The following DLGAP2 variants were observed in gnomAD, a reference collection of about 807,000 sequenced individuals.
The protein encoded by DLGAP2 is disks large-associated protein 2.
In DLGAP2, 26 loss-of-function variants were observed where a neutral mutation model predicts 100.3. The observed-to-expected ratio is 0.26, with a 90% CI of 0.19 to 0.36. The LOEUF is 0.36. Among genes scored for constraint, DLGAP2 ranks in the 10% least tolerant of loss-of-function variants. The pLI is 1.00. For missense variants in DLGAP2, 1,858 were observed against 1,453.2 expected (o/e 1.28, Z -4.53); for synonymous variants, 886 against 630.1 (o/e 1.41, Z -6.08).
At chr8:1,282,070 C>CT (rs1799826146) in intron 3 of DLGAP2, among the ~76,000 whole-genome samples, 98 of 98,350 alleles carry the variant, frequency 1.0e-3, no homozygotes, top group East Asian at 3.3e-3. Context: ...GAACCCAGCA[C>CT]ATGAACCATC....
At chr8:797,900 G>C (rs898242731) in intron 1 of DLGAP2, among the ~76,000 whole-genome samples, 2 of 152,082 alleles carry the variant, frequency 1.3e-5, no homozygotes, top group African/African-American at 4.8e-5. Context: ...ACAGGCGCCT[G>C]CCACCACACC....
intron 3 of DLGAP2, among the ~76,000 whole-genome samples, chr8:1,458,435 GAGATGACTGATACTTC>G (rs1206429797): frequency 2.6e-5 from 4 of 152,284 alleles, no homozygotes; most frequent in African/African-American, 7.2e-5. Context: ...TGAGTCAGAT[GAGATGACTGATACTTC>G]ACTGTTTTTG....
At chr8:1,669,619 G>A in intron 9 of DLGAP2, 124 bp from the exon 10 acceptor site, 1 of 731,300 alleles carries the variant, frequency 1.4e-6, no homozygotes, top group Non-Finnish European at 2.5e-6. Flanking sequence ...AGTGGAGCGT[G>A]CTGAGAGCCG....
intron 6 of DLGAP2, among the ~76,000 whole-genome samples, chr8:1,605,368 G>T (rs544820081): frequency 2.6e-4 from 39 of 152,298 alleles, no homozygotes; most frequent in African/African-American, 8.9e-4. Context: ...GGCTCTCAGA[G>T]TGCGTGCCTC....
chr8:872,521 G>A (rs887862278), intron 1 of DLGAP2, among the ~76,000 whole-genome samples: 1 of 151,874 alleles, frequency 6.6e-6, no homozygotes, highest in African/African-American at 2.4e-5. Flanking sequence ...TAGTAGAGAT[G>A]GGGTTTCTCC....
At chr8:911,224 C>G (rs1185488017) in intron 2 of DLGAP2, among the ~76,000 whole-genome samples, 1 of 152,124 alleles carries the variant, frequency 6.6e-6, no homozygotes, top group Non-Finnish European at 1.5e-5. Flanking sequence ...GATGACATGG[C>G]CTAAGCGGTG....
At chr8:806,758 C>G (rs188631603) in intron 1 of DLGAP2, among the ~76,000 whole-genome samples, 26 of 152,332 alleles carry the variant, frequency 1.7e-4, no homozygotes, top group African/African-American at 6.0e-4. Context: ...ACACAGCAGA[C>G]TCTCCTACTC....
In DLGAP2 at chr8:1,097,223, C is replaced by A. The variant is rs1251939481; in HGVS notation, c.74-161628C>A. Among the ~76,000 whole-genome samples the A allele has an allele frequency of 4.6e-5, 6 of 131,422 alleles. No homozygotes were observed. In the East Asian group the frequency reaches 1.2e-3, roughly 27 times the overall value. 86.2% of individuals were successfully genotyped at this position (131,422 alleles called of 152,430 possible). A position where few individuals can be genotyped will look rare whatever the true frequency, so the allele number is the denominator to read the frequency against. ...CTGGGAGCCTAGGGCAGGCCTTCAC[C>A]CTCTGTGGCATGGAGAGGTCCCCTC... On this transcript the variant is annotated intron_variant, in intron 2 of 14. Coordinates refer to ENST00000637795, the MANE Select transcript of DLGAP2 (RefSeq NM_001346810.2).
chr8:1,116,864 A>G (rs774150981), intron 2 of DLGAP2, among the ~76,000 whole-genome samples: 19 of 152,204 alleles, frequency 1.2e-4, no homozygotes, highest in Non-Finnish European at 2.6e-4. Context: ...AACTGAATAA[A>G]AATTAGTTGA....
intron 8 of DLGAP2, among the ~76,000 whole-genome samples, chr8:1,666,483 C>T (rs1585045755): frequency 6.6e-6 from 1 of 152,226 alleles, no homozygotes; most frequent in East Asian, 1.9e-4. Context: ...GAGTTTGAGA[C>T]CAGGCTGGCC....
chr8:1,466,370 T>A (rs1014542153), intron 3 of DLGAP2, among the ~76,000 whole-genome samples: 2 of 152,012 alleles, frequency 1.3e-5, no homozygotes, highest in African/African-American at 4.8e-5. Flanking sequence ...CAGGAGACAT[T>A]TCCCCCCTCC....
At chr8:1,607,645 G>C (rs1796844160) in intron 6 of DLGAP2, among the ~76,000 whole-genome samples, 1 of 152,218 alleles carries the variant, frequency 6.6e-6, no homozygotes, top group African/African-American at 2.4e-5. Flanking sequence ...CATCTCACTA[G>C]GGAGTGCCAG....
intron 2 of DLGAP2, among the ~76,000 whole-genome samples, chr8:1,006,032 T>C (rs1050521505): frequency 1.8e-4 from 27 of 151,854 alleles, no homozygotes; most frequent in African/African-American, 6.3e-4. Context: ...CTACTAAAAA[T>C]ACAAAAATTA....
In DLGAP2 at chr8:989,141, C is replaced by T. The variant is rs1584951099; in HGVS notation, c.73+81175C>T. 2.0e-5 allele frequency among the ~76,000 whole-genome samples: 3 copies of T among 152,314 alleles called. No individual in the cohort carries two copies. The East Asian group carries it at 5.8e-4, about 29-fold the overall frequency. ...AGTCCCAGCCTTCAGCCCTGCGCGG[C>T]ACCACCTTGCCGTGTTCCACACTGG... On this transcript the variant is annotated intron_variant, in intron 2 of 14. Coordinates refer to ENST00000637795, the MANE Select transcript of DLGAP2 (RefSeq NM_001346810.2).
At chr8:874,264 C>CT (rs1420921859) in intron 1 of DLGAP2, among the ~76,000 whole-genome samples, 1 of 151,060 alleles carries the variant, frequency 6.6e-6, no homozygotes, top group African/African-American at 2.4e-5. Flanking sequence ...GTTTGTTCTT[C>CT]TTTTTCCAGT....
At chr8:1,068,711 G>T (rs187942899) in intron 2 of DLGAP2, among the ~76,000 whole-genome samples, 1 of 151,770 alleles carries the variant, frequency 6.6e-6, no homozygotes, top group African/African-American at 2.4e-5. Flanking sequence ...GGGAGGGAAG[G>T]GCTGCACAGC....
intron 1 of DLGAP2, among the ~76,000 whole-genome samples, chr8:856,052 A>G (rs546246232): frequency 2.6e-5 from 4 of 152,328 alleles, no homozygotes; most frequent in East Asian, 3.9e-4. Flanking sequence ...AGCTAATGCA[A>G]TAAGACAAGA....
intron 2 of DLGAP2, among the ~76,000 whole-genome samples, chr8:951,941 G>T (rs1388137126): frequency 6.6e-6 from 1 of 152,264 alleles, no homozygotes; most frequent in African/African-American, 2.4e-5. Flanking sequence ...GTAAGGGGAT[G>T]AGTTCTGGGC....
chr8:1,598,739 TTTGA>T (rs1380169800), intron 6 of DLGAP2, among the ~76,000 whole-genome samples: 1 of 152,178 alleles, frequency 6.6e-6, no homozygotes, highest in Non-Finnish European at 1.5e-5. Context: ...ATTGTGTCTA[TTTGA>T]TTGTTCTCTG....
Sources: gnomAD v4.1 joint callset for allele counts (sites outside exome capture counted in the v4.1 genomes callset) on GRCh38, gnomAD v4.1.1 for gene constraint, MANE v1.5 for transcripts, NCBI Gene and HGNC (gene_info 2026-07-23, HGNC 2026-07-21) for gene names.